TRIM38: variants seen among roughly 807,000 people sequenced by gnomAD.
TRIM38 encodes E3 ubiquitin-protein ligase TRIM38.
TRIM38 carries 35 observed loss-of-function variants against 35.8 expected under a neutral mutation model. The ratio of observed to expected loss-of-function variants is 0.98; its 90% CI spans 0.75 to 1.30. The LOEUF (loss-of-function observed/expected upper bound fraction) is 1.30, where lower values mean the gene tolerates loss of function less well. Ranked by LOEUF, TRIM38 falls within the 50% of genes most tolerant of loss-of-function variation. The pLI, the probability that TRIM38 is intolerant of heterozygous loss-of-function variation, is 0.00. For synonymous variants in TRIM38, 198 were observed against 204.7 expected (o/e 0.97, Z 0.28); for missense variants, 545 against 556.9 (o/e 0.98, Z 0.21).
In TRIM38 at chr6:25,966,350, A is replaced by G. The variant is rs1760043987; in HGVS notation, c.-173A>G. On this transcript the variant is annotated 5_prime_UTR_variant, in exon 3 of 8. Coordinates refer to ENST00000357085, the MANE Select transcript of TRIM38 (RefSeq NM_006355.5). ...TTCCTTTTAGGTCCTCTTTTCTTCA[A>G]TACAAAATGAGATAATAGGGGTTGG... The G allele has an allele frequency of 1.5e-6, 1 of 666,872 alleles. No individual in the cohort carries two copies. The highest frequency in any genetic ancestry group is 3.4e-5 in the Admixed American group (1 of 29,468). The allele number at this position is 666,872 out of a possible 1,614,324, so 41.3% of individuals were successfully genotyped here.
chr6:25,975,958 T>C (rs973434897), intron 7 of TRIM38, among the ~76,000 whole-genome samples: 15 of 152,214 alleles, frequency 9.9e-5, no homozygotes, highest in African/African-American at 3.6e-4. Flanking sequence ...TTAATCTTAA[T>C]ATATGGTACC....
At position 25,989,368 on chromosome 6, in the gene TRIM38, G is replaced by C. The variant is rs1455637792; in HGVS notation, c.*5681G>C. 1 of 152,050 alleles carries C rather than the reference G, an allele frequency of 6.6e-6. No individual in the cohort carries two copies. Among genetic ancestry groups the C allele is most frequent in the African/African-American group, 2.4e-5 (1 of 41,404 alleles). 9.4% of individuals were successfully genotyped at this position (152,050 alleles called of 1,614,324 possible). A position where few individuals can be genotyped will look rare whatever the true frequency, so the allele number is the denominator to read the frequency against. On this transcript the variant is annotated 3_prime_UTR_variant, in exon 8 of 8. Coordinates refer to ENST00000357085, the MANE Select transcript of TRIM38 (RefSeq NM_006355.5). The stretch of plus-strand genomic sequence containing the variant: ...TTCTTCAACACTTCTTTGTAAATTT[G>C]CAAGTCCTTTGAGAAAAGAAATGCA...
intron 7 of TRIM38, among the ~76,000 whole-genome samples, chr6:25,976,836 C>A (rs1038670451): frequency 6.6e-6 from 1 of 152,188 alleles, no homozygotes; most frequent in African/African-American, 2.4e-5. Context: ...CTCACTCCTC[C>A]AAAACTCCCT....
At chr6:25,972,178 G>T in intron 5 of TRIM38, 79 bp downstream of exon 5, 1 of 1,308,684 alleles carries the variant, frequency 7.6e-7, no homozygotes, top group Non-Finnish European at 1.1e-6. Context: ...AGCATGGGAA[G>T]ATAAAGTAAT....
At chr6:25,977,399 G>C in intron 7 of TRIM38, among the ~76,000 whole-genome samples, 1 of 152,206 alleles carries the variant, frequency 6.6e-6, no homozygotes, top group Non-Finnish European at 1.5e-5. Context: ...GCCGGGTACA[G>C]TGGCTTACGC....
At position 25,983,171 on chromosome 6, in the gene TRIM38, G is replaced by T; in HGVS notation, c.882G>T (p.Val294=). 6.4e-7 allele frequency: 1 copy of T among 1,574,514 alleles called. No homozygotes were observed. Among genetic ancestry groups the T allele is most frequent in the South Asian group, 1.2e-5 (1 of 85,298 alleles). Residue 294 remains valine (V), a synonymous_variant, in exon 8 of 8, where the codon GTG becomes GTT. Transcript: ENST00000357085. ...KKMLRSHQVS[V]TLDPDTAHHE... is the part of the protein sequence containing the mutation. Reference sequence around the variant, plus strand: ...TTTTGTTTTGTTTTGCAGTTAGTGTGACTCTGGATCCAGATACAGCTCATC... The same window carrying T: ...TTTTGTTTTGTTTTGCAGTTAGTGTTACTCTGGATCCAGATACAGCTCATC...
chr6:25,968,786 A>G (rs1355193525), intron 3 of TRIM38, among the ~76,000 whole-genome samples: 1 of 152,244 alleles, frequency 6.6e-6, no homozygotes, highest in African/African-American at 2.4e-5. Flanking sequence ...TGTTCAAAAG[A>G]TACCAGAATT....
chr6:25,971,751 T>C, intron 4 of TRIM38, 118 bp from the exon 5 acceptor site: 1 of 858,296 alleles, frequency 1.2e-6, no homozygotes, highest in East Asian at 2.6e-5. Context: ...TTTGCTTGAA[T>C]GTCTTCAAGG....
At position 25,987,415 on chromosome 6, in the gene TRIM38, AAG is replaced by A. The variant is rs558009183; in HGVS notation, c.*3735_*3736del. 8.5e-5 allele frequency: 13 copies of A among 152,280 alleles called. No homozygotes were observed. In the East Asian group the frequency reaches 2.5e-3, roughly 29 times the overall value. 9.4% of individuals were successfully genotyped at this position (152,280 alleles called of 1,614,324 possible). A position where few individuals can be genotyped will look rare whatever the true frequency, so the allele number is the denominator to read the frequency against. On this transcript the variant is annotated 3_prime_UTR_variant, in exon 8 of 8. Coordinates refer to ENST00000357085, the MANE Select transcript of TRIM38 (RefSeq NM_006355.5). ...CTTCCTGCTATGTCTTCACATGGCAAAGAGAGAGCTAGCTTTCTGGTCTTTTC... is the reference window on the plus strand; with the variant it reads ...CTTCCTGCTATGTCTTCACATGGCAAAGAGAGCTAGCTTTCTGGTCTTTTC...
Position 25,988,856 on chromosome 6 carries a change from G to A in TRIM38, c.*5169G>A, listed in dbSNP as rs548116320. The A allele has an allele frequency of 2.6e-5, 4 of 152,306 alleles. No individual in the cohort carries two copies. The highest frequency in any genetic ancestry group is 9.6e-5 in the African/African-American group (4 of 41,560). 9.4% of individuals were successfully genotyped at this position (152,306 alleles called of 1,614,324 possible). On this transcript the variant is annotated 3_prime_UTR_variant, in exon 8 of 8. Transcript: ENST00000357085. ...TTTTGGATAAATTATGAATAAAGCT[G>A]CTATAAACATCTATGTGCAGGTTTT... is the stretch of plus-strand genomic sequence containing the variant.
In TRIM38 at chr6:25,988,496, C is replaced by CTTTTTTTTTTTTTTTTTTCTTTTTTTTTT. The variant is rs71544660; in HGVS notation, c.*4826_*4827insTCTTTTTTTTTTTTTTTTTTTTTTTTTTT. The CTTTTTTTTTTTTTTTTTTCTTTTTTTTTT allele has an allele frequency of 1.6e-5, 1 of 63,054 alleles. No homozygotes were observed. The highest frequency in any genetic ancestry group is 2.7e-4 in the Admixed American group (1 of 3,714). The allele number at this position is 63,054 out of a possible 1,614,324, so 3.9% of individuals were successfully genotyped here. ...TTTCTTTTTCTTTTTTCTTTTCTTT[C>CTTTTTTTTTTTTTTTTTTCTTTTTTTTTT]TTTTTTTTTTTTTTTTTGAGACAGA... On this transcript the variant is annotated 3_prime_UTR_variant, in exon 8 of 8. Coordinates refer to ENST00000357085, the MANE Select transcript of TRIM38 (RefSeq NM_006355.5).
chr6:25,989,730 G>A lies in TRIM38; in HGVS notation c.*6043G>A, dbSNP rs1360427469. On this transcript the variant is annotated 3_prime_UTR_variant, in exon 8 of 8. Transcript: ENST00000357085. ...AACAAAAAATAGTTTTTTTCTCATA[G>A]TTTTCTAACAAAATCTTCATAACTG... 1 of 151,478 alleles carries A rather than the reference G, an allele frequency of 6.6e-6. No individual in the cohort carries two copies. The highest frequency in any genetic ancestry group is 1.9e-4 in the East Asian group (1 of 5,174). 9.4% of individuals were successfully genotyped at this position (151,478 alleles called of 1,614,324 possible). A position where few individuals can be genotyped will look rare whatever the true frequency, so the allele number is the denominator to read the frequency against.
rs1760741948 is a variant in TRIM38, at chr6:25,987,358, T to G, written c.*3671T>G. The G allele has an allele frequency of 6.6e-6, 1 of 152,182 alleles. No homozygotes were observed. Among genetic ancestry groups the G allele is most frequent in the South Asian group, 2.1e-4 (1 of 4,832 alleles). 9.4% of individuals were successfully genotyped at this position (152,182 alleles called of 1,614,324 possible). A position where few individuals can be genotyped will look rare whatever the true frequency, so the allele number is the denominator to read the frequency against. ...TTCTGAGGTCTGAGTTGATTCTTTG[T>G]GAAGGCCCTTTCCTAGCTTGCAGAT... On this transcript the variant is annotated 3_prime_UTR_variant, in exon 8 of 8. Coordinates refer to ENST00000357085, the MANE Select transcript of TRIM38 (RefSeq NM_006355.5).
In TRIM38 at chr6:25,990,049, C is replaced by T. The variant is rs1273870675; in HGVS notation, c.*6362C>T. On this transcript the variant is annotated 3_prime_UTR_variant, in exon 8 of 8. Transcript: ENST00000357085. ...TTCTTCCTTTTTAGATACAGGGTCT[C>T]ACTATGTTGCCCAGGCTGGTCTCCA... The T allele has an allele frequency of 1.4e-5, 2 of 146,244 alleles. No individual in the cohort carries two copies. Among genetic ancestry groups the T allele is most frequent in the East Asian group, 4.2e-4 (2 of 4,788 alleles). The allele number at this position is 146,244 out of a possible 1,614,324, so 9.1% of individuals were successfully genotyped here. A position where few individuals can be genotyped will look rare whatever the true frequency, so the allele number is the denominator to read the frequency against.
chr6:25,969,451 A>G (rs754640210), intron 4 of TRIM38, 31 bp downstream of exon 4: 2 of 1,571,816 alleles, frequency 1.3e-6, no homozygotes, highest in South Asian at 2.3e-5. Context: ...ATCTCAAGCT[A>G]TTTTCCATTC....
Position 25,969,408 on chromosome 6 carries a change from A to G in TRIM38, c.495A>G (p.Ile165Met). The G allele has an allele frequency of 6.2e-7, 1 of 1,607,938 alleles. No homozygotes were observed. Among genetic ancestry groups the G allele is most frequent in the Non-Finnish European group, 8.5e-7 (1 of 1,176,854 alleles). ...AGAAGCTGTCCACAGCAATGCGAAT[A>G]ACTAAATGGAAAGTAAGAATCTGAC... ...TEQKLSTAMR[I>M]TKWKEKVQIQ... Residue 165 changes from isoleucine to methionine, a missense_variant, in exon 4 of 8, where the codon ATA becomes ATG. Physicochemically the swap from Ile to Met is conservative, Grantham distance 10. Coordinates refer to ENST00000357085, the MANE Select transcript of TRIM38 (RefSeq NM_006355.5).
chr6:25,972,154 G>A, intron 5 of TRIM38, 55 bp downstream of exon 5: 1 of 1,478,246 alleles, frequency 6.8e-7, no homozygotes, highest in Non-Finnish European at 9.4e-7. Context: ...GCTATTAAAG[G>A]AGAATGGTAA....
intron 7 of TRIM38, among the ~76,000 whole-genome samples, chr6:25,980,092 C>G (rs1760502746): frequency 6.6e-6 from 1 of 152,126 alleles, no homozygotes; most frequent in Non-Finnish European, 1.5e-5. Context: ...AGTGCATGTT[C>G]CATCTATACC....
At chr6:25,969,487 G>C in intron 4 of TRIM38, 67 bp downstream of exon 4, 1 of 1,305,408 alleles carries the variant, frequency 7.7e-7, no homozygotes, top group Non-Finnish European at 1.1e-6. Context: ...GGGGATGATT[G>C]AGGAAAAGCA....
Sources: gnomAD v4.1 joint callset for allele counts (sites outside exome capture counted in the v4.1 genomes callset) on GRCh38, gnomAD v4.1.1 for gene constraint, MANE v1.5 for transcripts, NCBI Gene and HGNC (gene_info 2026-07-23, HGNC 2026-07-21) for gene names.